Variants in TMPRSS2 observed in about 807,000 individuals in gnomAD.
TMPRSS2 encodes transmembrane protease serine 2.
Under a neutral mutation model 67.4 loss-of-function variants are expected in TMPRSS2, and 59 were observed. The ratio of observed to expected loss-of-function variants is 0.88; its 90% CI spans 0.71 to 1.09. The LOEUF (loss-of-function observed/expected upper bound fraction) is 1.09, where lower values mean the gene tolerates loss of function less well. TMPRSS2 is among the 50% of genes least tolerant of loss of function. The probability of loss-of-function intolerance (pLI) is 0.00; values close to 1 mark genes in which losing one functional copy is unlikely to be tolerated. For synonymous variants in TMPRSS2, 257 were observed against 257.0 expected (o/e 1.00, Z 0.00); for missense variants, 668 against 642.7 (o/e 1.04, Z -0.43).
At position 41,494,626 on chromosome 21, in the gene TMPRSS2, T is replaced by C. The variant is rs368773451; in HGVS notation, c.16-48A>G. ...AATAATATAAAACTCTTATTTGCAC[T>C]AAAGGGTTACATACAAACTATCACA... On this transcript the variant is annotated intron_variant, in intron 2 of 13. Transcript: ENST00000332149. 1.5e-3 allele frequency: 2,234 copies of C among 1,532,674 alleles called. 9 individuals carry two copies. The highest frequency in any genetic ancestry group is 1.2e-3 in the Non-Finnish European group (1,349 of 1,109,806). 94.9% of individuals were successfully genotyped at this position (1,532,674 alleles called of 1,614,324 possible).
intron 1 of TMPRSS2, among the ~76,000 whole-genome samples, chr21:41,503,589 T>A (rs965540370): frequency 2.0e-5 from 3 of 152,212 alleles, no homozygotes; most frequent in African/African-American, 7.2e-5. Flanking sequence ...ACCAGAATCA[T>A]GATCAGAATT....
At chr21:41,496,650 T>G (rs1405313009) in intron 2 of TMPRSS2, among the ~76,000 whole-genome samples, 2 of 152,060 alleles carry the variant, frequency 1.3e-5, no homozygotes, top group African/African-American at 2.4e-5. Flanking sequence ...CTGTCAAGAC[T>G]CGCCCCAAAC....
chr21:41,475,553 G>GT (rs2091201993), intron 8 of TMPRSS2, among the ~76,000 whole-genome samples: 2 of 37,618 alleles, frequency 5.3e-5, no homozygotes, highest in Admixed American at 2.2e-4. Context: ...GAGGGGGTGA[G>GT]GAGGTGAGTG....
chr21:41,483,292 AC>A (rs2091270200), intron 5 of TMPRSS2, among the ~76,000 whole-genome samples: 2 of 150,542 alleles, frequency 1.3e-5, no homozygotes, highest in African/African-American at 4.9e-5. Flanking sequence ...AAATGAATAC[AC>A]TTCTTCTTCT....
intron 1 of TMPRSS2, among the ~76,000 whole-genome samples, chr21:41,499,469 C>T (rs2091408729): frequency 6.6e-6 from 1 of 152,178 alleles, no homozygotes; most frequent in African/African-American, 2.4e-5. Context: ...CTCCCACCCT[C>T]GGTATCTGAT....
rs561412657 is a variant in TMPRSS2, at chr21:41,490,440, A to G, written c.239-847T>C. ...AATTAAGTAAAATGATGTAAATTCA[A>G]GTGCTCAGTCATCATATGTGGCTGG... is the stretch of plus-strand genomic sequence containing the variant. On this transcript the variant is annotated intron_variant, in intron 3 of 13. Coordinates refer to ENST00000332149, the MANE Select transcript of TMPRSS2 (RefSeq NM_005656.4). Among the ~76,000 whole-genome samples the G allele has an allele frequency of 5.3e-5, 8 of 152,332 alleles. No individual in the cohort carries two copies. The South Asian group carries it at 6.2e-4, about 12-fold the overall frequency.
chr21:41,507,016 C>A (rs1380645135), intron 1 of TMPRSS2, among the ~76,000 whole-genome samples: 2 of 152,228 alleles, frequency 1.3e-5, no homozygotes, highest in African/African-American at 4.8e-5. Flanking sequence ...CCTTCCCAAA[C>A]AAGCCACCAG....
intron 13 of TMPRSS2, among the ~76,000 whole-genome samples, chr21:41,466,666 G>A (rs1232927514): frequency 2.0e-5 from 3 of 152,330 alleles, no homozygotes; most frequent in Non-Finnish European, 2.9e-5. Context: ...CCTGAGTCCC[G>A]CGTGTCATTT....
At chr21:41,466,328 G>A (rs932886344) in intron 13 of TMPRSS2, among the ~76,000 whole-genome samples, 175 bp from the exon 14 acceptor site, 2 of 152,344 alleles carry the variant, frequency 1.3e-5, no homozygotes, top group African/African-American at 4.8e-5. Context: ...TGAGCATGGC[G>A]GGGCAGGAGC....
intron 13 of TMPRSS2, among the ~76,000 whole-genome samples, chr21:41,467,480 A>G (rs1234855345): frequency 1.3e-5 from 2 of 152,180 alleles, no homozygotes; most frequent in Non-Finnish European, 2.9e-5. Flanking sequence ...CAGAGCACCA[A>G]GGAATTTCAC....
At position 41,473,386 on chromosome 21, in the gene TMPRSS2, C is replaced by T. The variant is rs142446494; in HGVS notation, c.838G>A (p.Val280Met). Residue 280 changes from valine to methionine, a missense_variant, in exon 9 of 14, where the codon GTG becomes ATG. Transcript: ENST00000332149. The part of the protein sequence containing the change: ...QVSLHVQNVH[V>M]CGGSIITPEW... ...GGGGTGATGATGGAGCCTCCGCACA[C>T]GTGGACGTTCTGGACGTGCAGGCTG... is the stretch of plus-strand genomic sequence containing the variant. 163 of 1,610,054 alleles carry T rather than the reference C, an allele frequency of 1.0e-4. No homozygotes were observed. The highest frequency in any genetic ancestry group is 3.4e-5 in the Non-Finnish European group (40 of 1,179,280).
rs113355375 is a variant in TMPRSS2, at chr21:41,465,809, C to T, written c.*333G>A. 2.6e-6 allele frequency: 1 copy of T among 388,740 alleles called. No individual in the cohort carries two copies. The allele number at this position is 388,740 out of a possible 1,614,324, so 24.1% of individuals were successfully genotyped here. ...TCATCCAGCAGCTGAGAGGTGACAGCTCCATGCTCATCCAAAATTGGCCCC... is the reference window on the plus strand; with the variant it reads ...TCATCCAGCAGCTGAGAGGTGACAGTTCCATGCTCATCCAAAATTGGCCCC... On this transcript the variant is annotated 3_prime_UTR_variant, in exon 14 of 14. Coordinates refer to ENST00000332149, the MANE Select transcript of TMPRSS2 (RefSeq NM_005656.4).
chr21:41,494,674 A>G (rs986069984), intron 2 of TMPRSS2, 96 bp from the exon 3 acceptor site: 2 of 1,097,506 alleles, frequency 1.8e-6, no homozygotes, highest in Non-Finnish European at 2.8e-6. Context: ...TATACCAATG[A>G]TCTTTTAAAT....
chr21:41,504,692 AG>A (rs1004621841), intron 1 of TMPRSS2, among the ~76,000 whole-genome samples: 3 of 152,100 alleles, frequency 2.0e-5, no homozygotes, highest in African/African-American at 7.2e-5. Flanking sequence ...GGTGGGGCCA[AG>A]GTGGTCAATG....
Position 41,473,433 on chromosome 21 carries a change from G to T in TMPRSS2, c.791C>A (p.Pro264Gln). ...GCTGACCTGCCAGGGCCAGGCCCCCGGGAGCGCGCTCTCGCCGCCCACAAT... is the reference window on the plus strand; with the variant it reads ...GCTGACCTGCCAGGGCCAGGCCCCCTGGAGCGCGCTCTCGCCGCCCACAAT... ...SRIVGGESAL[P>Q]GAWPWQVSLH... The change falls in exon 9 of 14, where the codon CCG (proline) becomes CAG (glutamine). Residue 264 changes from proline to glutamine, a missense_variant. Physicochemically the swap from Pro to Gln is moderately conservative, Grantham distance 76. Coordinates refer to ENST00000332149, the MANE Select transcript of TMPRSS2 (RefSeq NM_005656.4). 1 of 1,610,202 alleles carries T rather than the reference G, an allele frequency of 6.2e-7. No individual in the cohort carries two copies. Among genetic ancestry groups the T allele is most frequent in the South Asian group, 1.1e-5 (1 of 90,586 alleles).
chr21:41,479,090 A>G, intron 7 of TMPRSS2, 82 bp downstream of exon 7: 1 of 1,107,266 alleles, frequency 9.0e-7, no homozygotes, highest in Non-Finnish European at 1.4e-6. Context: ...GCTCAGAGAA[A>G]TCAGACTCAG....
rs1569017581 is a variant in TMPRSS2, at chr21:41,480,604, T to C, written c.446-2A>G. ...TGAAGTTTGGTCCGTAGAGGCGAAC[T>C]GCACGAGAGGGAGGATTATCCATGA... is the stretch of plus-strand genomic sequence containing the variant. On this transcript the variant is annotated splice_acceptor_variant, in intron 5 of 13. Transcript: ENST00000332149. LOFTEE classifies it high-confidence loss of function. The C allele has an allele frequency of 1.2e-6, 2 of 1,613,634 alleles. No homozygotes were observed. The highest frequency in any genetic ancestry group is 1.7e-6 in the Non-Finnish European group (2 of 1,180,034).
intron 3 of TMPRSS2, among the ~76,000 whole-genome samples, chr21:41,493,108 G>A (rs368086767): frequency 3.0e-4 from 46 of 152,272 alleles, no homozygotes; most frequent in African/African-American, 1.1e-3. Context: ...CACCCACACT[G>A]TCTCCAGACA....
intron 7 of TMPRSS2, among the ~76,000 whole-genome samples, chr21:41,477,633 G>A (rs1439160439): frequency 2.0e-5 from 3 of 151,994 alleles, no homozygotes; most frequent in Non-Finnish European, 4.4e-5. Context: ...ACACCCCCCG[G>A]GTTCTCAGTG....
Sources: gnomAD v4.1 joint callset for allele counts (sites outside exome capture counted in the v4.1 genomes callset) on GRCh38, gnomAD v4.1.1 for gene constraint, MANE v1.5 for transcripts, NCBI Gene and HGNC (gene_info 2026-07-23, HGNC 2026-07-21) for gene names.